Variants in PCDHGA7 observed in about 807,000 individuals in gnomAD.
PCDHGA7 encodes protocadherin gamma subfamily A, 7, also known as protocadherin gamma-A7.
A neutral mutation model predicts 58.3 loss-of-function variants in PCDHGA7; 44 were observed. That is an observed-to-expected ratio of 0.75 (90% CI 0.59 to 0.97). PCDHGA7 has a LOEUF of 0.97. Ranked by LOEUF, PCDHGA7 falls within the 50% of genes least tolerant of loss-of-function variation. The pLI is 0.00. For synonymous variants in PCDHGA7, 516 were observed against 504.2 expected, an observed-to-expected ratio of 1.02 and a Z score of -0.31; for missense variants, 1,266 against 1,188.7, an observed-to-expected ratio of 1.06 and a Z score of -0.96.
rs199552905 is a variant in PCDHGA7 at position 141,423,400 on chromosome 5, C to A, written c.2424+38077C>A. On this transcript the variant is annotated intron_variant, in intron 1 of 3. Transcript: ENST00000518325. Reference sequence around the variant, plus strand: ...GCTGTGGCGCTGGCATAAGTCACGCCTGCTGCAGGCTTCTGAAGGCGGGTT... The same window carrying A: ...GCTGTGGCGCTGGCATAAGTCACGCATGCTGCAGGCTTCTGAAGGCGGGTT... 62 of 1,614,152 alleles carry A rather than the reference C, an allele frequency of 3.8e-5. No homozygotes were observed. The African/African-American group carries it at 6.9e-4, about 18-fold the overall frequency.
At chr5:141,393,534 G>GA in intron 1 of PCDHGA7, 1 of 1,613,928 alleles carries the variant, frequency 6.2e-7, no homozygotes, top group Non-Finnish European at 8.5e-7. Flanking sequence ...CAATGCCCCG[G>GA]TTTTTCCTCA....
chr5:141,415,465 A>G (rs751798354), intron 1 of PCDHGA7: 19 of 1,613,976 alleles, frequency 1.2e-5, no homozygotes, highest in Non-Finnish European at 1.5e-5. Context: ...GGTCTCTCTC[A>G]CCGCGGACTC....
At chr5:141,405,002 C>G in intron 1 of PCDHGA7, 2 of 1,613,988 alleles carry the variant, frequency 1.2e-6, no homozygotes, top group Non-Finnish European at 1.7e-6. Context: ...CCCTGCAGAC[C>G]TGGAGGCCTC....
intron 1 of PCDHGA7, chr5:141,409,838 G>T: frequency 6.2e-7 from 1 of 1,611,532 alleles, no homozygotes; most frequent in Non-Finnish European, 8.5e-7. Context: ...CAGCGCCAAC[G>T]TGAGCCTGCG....
intron 1 of PCDHGA7, chr5:141,427,909 C>G: frequency 6.3e-7 from 1 of 1,576,922 alleles, no homozygotes; most frequent in Non-Finnish European, 8.7e-7. Context: ...GCGCTCAGCG[C>G]CAACATGAGC....
chr5:141,465,918 C>T lies in PCDHGA7; in HGVS notation c.2425-28889C>T, dbSNP rs34980831. On this transcript the variant is annotated intron_variant, in intron 1 of 3. Transcript: ENST00000518325. ...CGGGCAAATCACGAGGTCAGGATTT[C>T]GAGTCCATCCTGGCTAACATGGTGA... 2.0e-3 allele frequency among the ~76,000 whole-genome samples: 307 copies of T among 152,144 alleles called. 1 individual carries two copies. Among genetic ancestry groups the T allele is most frequent in the Middle Eastern group, 0.01 (3 of 294 alleles).
chr5:141,448,511 A>C (rs2098593334), intron 1 of PCDHGA7, among the ~76,000 whole-genome samples: 1 of 152,076 alleles, frequency 6.6e-6, no homozygotes, highest in Admixed American at 6.6e-5. Context: ...ACATTTTATA[A>C]CTTTATTAAG....
At position 141,393,000 on chromosome 5, in the gene PCDHGA7, G is replaced by A. The variant is rs772046833; in HGVS notation, c.2424+7677G>A. The stretch of plus-strand genomic sequence containing the variant: ...GGACCCCCGGAAGCTGGCGAAGCAC[G>A]GAGTCCGTATCGTCTCCAGAGGTAG... On this transcript the variant is annotated intron_variant, in intron 1 of 3. Transcript: ENST00000518325. The A allele has an allele frequency of 2.5e-6, 4 of 1,613,856 alleles. No individual in the cohort carries two copies. In the South Asian group the frequency reaches 4.4e-5, roughly 18 times the overall value.
At chr5:141,409,708 G>C (rs2095304272) in intron 1 of PCDHGA7, 5 of 1,613,088 alleles carry the variant, frequency 3.1e-6, no homozygotes, top group Non-Finnish European at 1.7e-6. Context: ...TGGCGGTGTC[G>C]TCATACGTGT....
chr5:141,489,124 A>C lies in PCDHGA7; in HGVS notation c.2425-5683A>C. The C allele has an allele frequency of 3.6e-6, 2 of 556,652 alleles. No individual in the cohort carries two copies. Among genetic ancestry groups the C allele is most frequent in the South Asian group, 3.3e-5 (1 of 30,014 alleles). The allele number at this position is 556,652 out of a possible 1,614,324, so 34.5% of individuals were successfully genotyped here. On this transcript the variant is annotated intron_variant, in intron 1 of 3. Transcript: ENST00000518325. The surrounding 1 kb of genome is among the most constrained non-coding windows in gnomAD (Gnocchi z 4.5). ...GCTGCAAGCAGGCAAACCTCCGAGC[A>C]GTTTTTAAGAGGCTGGAAGGAGACA...
intron 1 of PCDHGA7, among the ~76,000 whole-genome samples, chr5:141,397,628 A>T (rs2093548217): frequency 6.6e-6 from 1 of 152,242 alleles, no homozygotes; most frequent in Non-Finnish European, 1.5e-5. Flanking sequence ...AGTTCTAGCT[A>T]AGAGTTCAAG....
rs535530763 is a variant in PCDHGA7, at chr5:141,384,163, C to G, written c.1264C>G (p.Leu422Val). 2 of 1,613,658 alleles carry G rather than the reference C, an allele frequency of 1.2e-6. No individual in the cohort carries two copies. Among genetic ancestry groups the G allele is most frequent in the African/African-American group, 1.3e-5 (1 of 75,046 alleles). ...AACACTCTCTTTGTATAACATCACA[C>G]TGAAAGCCACAGATGGTGGAACTCC... ...RETLSLYNITLKATDGGTPPL... is the reference protein window; with the variant it reads ...RETLSLYNITVKATDGGTPPL... Residue 422 changes from leucine (L) to valine (V), a missense_variant, in exon 1 of 4, where the codon CTG becomes GTG. Physicochemically the swap from Leu to Val is conservative, Grantham distance 32. Transcript: ENST00000518325.
Position 141,394,674 on chromosome 5 carries a change from C to A in PCDHGA7, c.2424+9351C>A, listed in dbSNP as rs1236446796. ...CGAGCCGGGACTCTTCTCGGTGGGT[C>A]TGCACACGGGCGAGGTGCGCACGGC... On this transcript the variant is annotated intron_variant, in intron 1 of 3. Coordinates refer to ENST00000518325, the MANE Select transcript of PCDHGA7 (RefSeq NM_018920.4). 5.0e-6 allele frequency: 8 copies of A among 1,612,640 alleles called. No homozygotes were observed. The highest frequency in any genetic ancestry group is 6.8e-6 in the Non-Finnish European group (8 of 1,179,760).
chr5:141,486,282 C>T lies in PCDHGA7; in HGVS notation c.2425-8525C>T. ...AGTGCAGAACCTGGCACTGTGGTGGCACTTATCAGTGTGCAGGATCCAGAC... is the reference window on the plus strand; with the variant it reads ...AGTGCAGAACCTGGCACTGTGGTGGTACTTATCAGTGTGCAGGATCCAGAC... On this transcript the variant is annotated intron_variant, in intron 1 of 3. Transcript: ENST00000518325. This position sits in a 1 kb window ranked among gnomAD's most constrained non-coding sequence, Gnocchi z 5.0. 6.2e-7 allele frequency: 1 copy of T among 1,614,052 alleles called. No homozygotes were observed. Among genetic ancestry groups the T allele is most frequent in the Non-Finnish European group, 8.5e-7 (1 of 1,179,992 alleles).
At chr5:141,394,693 G>A (rs1310404999) in intron 1 of PCDHGA7, 33 of 1,612,890 alleles carry the variant, frequency 2.0e-5, no homozygotes, top group Non-Finnish European at 2.8e-5. Context: ...GGCGAGGTGC[G>A]CACGGCGCGA....
At position 141,486,134 on chromosome 5, in the gene PCDHGA7, C is replaced by T; in HGVS notation, c.2425-8673C>T. 6.2e-7 allele frequency: 1 copy of T among 1,614,168 alleles called. No homozygotes were observed. ...TGAGAATTACTATGAATTTGATGTG[C>T]GGGCTCGCGATGGGGGTTCTCCAGC... On this transcript the variant is annotated intron_variant, in intron 1 of 3. Coordinates refer to ENST00000518325, the MANE Select transcript of PCDHGA7 (RefSeq NM_018920.4). The surrounding 1 kb of genome is among the most constrained non-coding windows in gnomAD (Gnocchi z 5.0).
At chr5:141,426,955 C>T (rs1380917458) in intron 1 of PCDHGA7, 3 of 456,658 alleles carry the variant, frequency 6.6e-6, no homozygotes, top group South Asian at 1.5e-5. Flanking sequence ...ACTGGCACTG[C>T]TGCAATTCAA....
At chr5:141,483,660 G>T (rs943362284) in intron 1 of PCDHGA7, among the ~76,000 whole-genome samples, 4 of 152,094 alleles carry the variant, frequency 2.6e-5, no homozygotes, top group Admixed American at 2.0e-4. Flanking sequence ...GTGTGTGTGT[G>T]TGTGTGTGTA....
chr5:141,511,267 C>G lies in PCDHGA7; in HGVS notation c.*94C>G. The G allele has an allele frequency of 6.5e-7, 1 of 1,549,404 alleles. No homozygotes were observed. The highest frequency in any genetic ancestry group is 8.7e-7 in the Non-Finnish European group (1 of 1,146,836). On this transcript the variant is annotated 3_prime_UTR_variant, in exon 4 of 4. Coordinates refer to ENST00000518325, the MANE Select transcript of PCDHGA7 (RefSeq NM_018920.4). Reference sequence around the variant, plus strand: ...CCAGGCCTCAGAGTTTCAGGGCTAACCCCCAGAATACTGGTAGGGGCCAAG... The same window carrying G: ...CCAGGCCTCAGAGTTTCAGGGCTAAGCCCCAGAATACTGGTAGGGGCCAAG...
Sources: allele counts gnomAD v4.1 joint callset (sites outside exome capture counted in the v4.1 genomes callset), GRCh38; gene constraint gnomAD v4.1.1; non-coding constraint Gnocchi (gnomAD v3.1); transcripts MANE v1.5; gene names NCBI Gene and HGNC (gene_info 2026-07-23, HGNC 2026-07-21).